Variants in CNBD1 observed in about 807,000 individuals in gnomAD.
The protein encoded by CNBD1 is cyclic nucleotide binding domain containing 1.
Under a neutral mutation model 54.4 loss-of-function variants are expected in CNBD1, and 71 were observed. The ratio of observed to expected loss-of-function variants is 1.30; its 90% CI spans 1.08 to 1.59. The LOEUF is 1.59. Among genes scored for constraint, CNBD1 ranks in the 40% most tolerant of loss-of-function variants. The probability of loss-of-function intolerance (pLI) is 0.00; values close to 1 mark genes in which losing one functional copy is unlikely to be tolerated. For synonymous variants in CNBD1, 182 were observed against 170.7 expected (o/e 1.07, Z -0.51); for missense variants, 659 against 518.0 (o/e 1.27, Z -2.64).
chr8:87,246,472 T>G (rs1442307719), intron 6 of CNBD1, among the ~76,000 whole-genome samples: 1 of 152,190 alleles, frequency 6.6e-6, no homozygotes, highest in African/African-American at 2.4e-5. Flanking sequence ...GAATTTGGTC[T>G]TAATCTCTGT....
rs141688091 is a variant in CNBD1 at position 87,260,254 on chromosome 8, G to A, written c.771+23142G>A. The stretch of plus-strand genomic sequence containing the variant: ...CTGTACCCTGGAAGGCAGAGACCAA[G>A]AGAAAGTACCCCCATGTGGTTACAA... On this transcript the variant is annotated intron_variant, in intron 6 of 10. Coordinates refer to ENST00000518476, the MANE Select transcript of CNBD1 (RefSeq NM_173538.3). 4.6e-5 allele frequency among the ~76,000 whole-genome samples: 7 copies of A among 152,266 alleles called. No homozygotes were observed. The East Asian group carries it at 1.4e-3, about 29-fold the overall frequency.
intron 4 of CNBD1, among the ~76,000 whole-genome samples, chr8:87,133,458 G>A (rs932665519): frequency 6.6e-6 from 1 of 152,158 alleles, no homozygotes; most frequent in Non-Finnish European, 1.5e-5. Context: ...TTAGCTATGT[G>A]TATCAGTCAG....
chr8:87,127,551 T>C (rs1256816919), intron 4 of CNBD1, among the ~76,000 whole-genome samples: 5 of 152,142 alleles, frequency 3.3e-5, no homozygotes, highest in Non-Finnish European at 5.9e-5. Flanking sequence ...GTGGATTTTT[T>C]CATAGGTTTC....
In CNBD1 at chr8:86,910,803, T is replaced by C. The variant is rs1204163257; in HGVS notation, c.272+5609T>C. On this transcript the variant is annotated intron_variant, in intron 3 of 10. Transcript: ENST00000518476. ...AGTGAGGTTAAGAGCAGAGGTTTAA[T>C]AGACAAAAGAAAGGGAAAAGTTCTC... 2.6e-5 allele frequency among the ~76,000 whole-genome samples: 4 copies of C among 152,134 alleles called. No homozygotes were observed. In the East Asian group the frequency reaches 5.8e-4, roughly 22 times the overall value.
At chr8:87,307,529 G>C (rs1449765245) in intron 8 of CNBD1, among the ~76,000 whole-genome samples, 1 of 152,104 alleles carries the variant, frequency 6.6e-6, no homozygotes. Flanking sequence ...GCTGAGGCTG[G>C]GACTTCAAGA....
intron 4 of CNBD1, among the ~76,000 whole-genome samples, chr8:87,137,981 A>G (rs1276259002): frequency 6.6e-6 from 1 of 152,132 alleles, no homozygotes; most frequent in Non-Finnish European, 1.5e-5. Flanking sequence ...GAGAAGCATA[A>G]TCTTTATTAT....
intron 2 of CNBD1, among the ~76,000 whole-genome samples, chr8:87,417,310 GC>G (rs1807853970): frequency 6.6e-6 from 1 of 151,918 alleles, no homozygotes; most frequent in Non-Finnish European, 1.5e-5. Flanking sequence ...CACGGGAAAA[GC>G]TAGCCTCTAC....
chr8:86,946,963 C>T (rs1295121662), intron 4 of CNBD1, among the ~76,000 whole-genome samples: 1 of 151,986 alleles, frequency 6.6e-6, no homozygotes, highest in African/African-American at 2.4e-5. Flanking sequence ...CTTTTGTACT[C>T]GAGGATTTAC....
At chr8:87,380,712 A>C (rs1463880503) in intron 10 of CNBD1, among the ~76,000 whole-genome samples, 2 of 151,998 alleles carry the variant, frequency 1.3e-5, no homozygotes, top group Non-Finnish European at 2.9e-5. Context: ...TGTAGTTTTC[A>C]GTAAACAAGT....
At chr8:87,384,451 G>A (rs1811145424), downstream of CNBD1, among the ~76,000 whole-genome samples, 1 of 152,024 alleles carries the variant, frequency 6.6e-6, no homozygotes, top group Non-Finnish European at 1.5e-5. Flanking sequence ...TGAAGAAAAA[G>A]CAGATCAGAA....
At chr8:87,028,001 C>G (rs1412894039) in intron 4 of CNBD1, among the ~76,000 whole-genome samples, 1 of 152,100 alleles carries the variant, frequency 6.6e-6, no homozygotes, top group African/African-American at 2.4e-5. Context: ...ATCCCAGTGT[C>G]TGGTACCCAC....
At chr8:86,973,221 A>G (rs1808265154) in intron 4 of CNBD1, among the ~76,000 whole-genome samples, 1 of 152,132 alleles carries the variant, frequency 6.6e-6, no homozygotes, top group Non-Finnish European at 1.5e-5. Context: ...TGCCTGTGCT[A>G]ATGCTCTTTC....
At chr8:87,353,097 A>G (rs2130929344) in intron 9 of CNBD1, among the ~76,000 whole-genome samples, 1 of 152,290 alleles carries the variant, frequency 6.6e-6, no homozygotes, top group East Asian at 1.9e-4. Context: ...AAGGTCTCTT[A>G]TTTGAACCAA....
chr8:87,275,916 T>C (rs1808469929), intron 6 of CNBD1, among the ~76,000 whole-genome samples: 1 of 151,868 alleles, frequency 6.6e-6, no homozygotes, highest in Non-Finnish European at 1.5e-5. Flanking sequence ...ACAAGTATTC[T>C]TATACACCAA....
At chr8:87,069,027 T>C (rs1371120038) in intron 4 of CNBD1, among the ~76,000 whole-genome samples, 1 of 152,070 alleles carries the variant, frequency 6.6e-6, no homozygotes, top group African/African-American at 2.4e-5. Context: ...AGAGATATGG[T>C]TGAGGTGAGG....
At chr8:87,355,681 G>C (rs1342782455) in intron 10 of CNBD1, among the ~76,000 whole-genome samples, 1 of 152,074 alleles carries the variant, frequency 6.6e-6, no homozygotes, top group African/African-American at 2.4e-5. Context: ...CATTACCATG[G>C]GTGAGAGGTA....
chr8:87,271,825 A>T (rs1161103276), intron 6 of CNBD1, among the ~76,000 whole-genome samples: 2 of 149,612 alleles, frequency 1.3e-5, no homozygotes, highest in Non-Finnish European at 2.9e-5. Context: ...TTGCAGCACT[A>T]TTCACAGTAG....
intron 4 of CNBD1, among the ~76,000 whole-genome samples, chr8:87,102,909 C>T (rs747748948): frequency 6.6e-5 from 10 of 152,196 alleles, no homozygotes; most frequent in South Asian, 2.1e-4. Flanking sequence ...CCACAGCGCT[C>T]GGCCACAGGA....
At chr8:87,198,588 A>G (rs1458784832) in intron 4 of CNBD1, among the ~76,000 whole-genome samples, 1 of 152,246 alleles carries the variant, frequency 6.6e-6, no homozygotes, top group African/African-American at 2.4e-5. Flanking sequence ...ACAAGTAAGT[A>G]AAGGAAACCA....
Sources: allele counts gnomAD v4.1 joint callset (sites outside exome capture counted in the v4.1 genomes callset), GRCh38; gene constraint gnomAD v4.1.1; transcripts MANE v1.5; gene names NCBI Gene and HGNC (gene_info 2026-07-23, HGNC 2026-07-21).